The following CHRDL2 variants were observed in gnomAD, a reference collection of about 807,000 sequenced individuals.
CHRDL2 encodes chordin-like protein 2.
Under a neutral mutation model 54.3 loss-of-function variants are expected in CHRDL2, and 41 were observed. That is an observed-to-expected ratio of 0.76 (90% CI 0.59 to 0.98). The LOEUF (loss-of-function observed/expected upper bound fraction) is 0.98. Ranked by LOEUF, CHRDL2 falls within the 50% of genes least tolerant of loss-of-function variation. The pLI is 0.00. For missense variants in CHRDL2, 518 were observed against 562.4 expected (o/e 0.92, Z 0.80); for synonymous variants, 220 against 224.3 (o/e 0.98, Z 0.17).
intron 1 of CHRDL2, among the ~76,000 whole-genome samples, chr11:74,728,800 T>C (rs1371134674): frequency 6.6e-6 from 1 of 152,204 alleles, no homozygotes; most frequent in African/African-American, 2.4e-5. Context: ...TGGTTTTTGA[T>C]AGTTTCACCA....
At chr11:74,727,075 ACCACAC>A (rs2135280101) in intron 1 of CHRDL2, among the ~76,000 whole-genome samples, 1 of 152,328 alleles carries the variant, frequency 6.6e-6, no homozygotes, top group South Asian at 2.1e-4. Flanking sequence ...AATCAAGGCA[ACCACAC>A]CTTTGGGTTT....
intron 8 of CHRDL2, 90 bp downstream of exon 8, chr11:74,703,215 T>C: frequency 7.0e-7 from 1 of 1,430,286 alleles, no homozygotes; most frequent in South Asian, 1.4e-5. Context: ...CTTCCATGTC[T>C]GAGATGCTCC....
At position 74,697,219 on chromosome 11, in the gene CHRDL2, G is replaced by A; in HGVS notation, c.1199C>T (p.Ala400Val). The change falls in exon 10 of 11, where the codon GCT (alanine) becomes GTT (valine). Residue 400 changes from alanine to valine, a missense_variant. Physicochemically the swap from Ala to Val is moderately conservative, Grantham distance 64. Coordinates refer to ENST00000376332, the MANE Select transcript of CHRDL2 (RefSeq NM_001278473.3). ...QKEAQHFRLL[A>V]GPHEGHWNVF... ...CAAGCTCCTACCTTCGTGGGGGCCA[G>A]CGAGCAGTCGGAAGTGCTGTGCCTC... is the stretch of plus-strand genomic sequence containing the variant. 6.2e-7 allele frequency: 1 copy of A among 1,613,688 alleles called. No homozygotes were observed. Among genetic ancestry groups the A allele is most frequent in the Non-Finnish European group, 8.5e-7 (1 of 1,179,810 alleles).
chr11:74,705,644 G>A (rs1163789657), intron 6 of CHRDL2, among the ~76,000 whole-genome samples: 1 of 152,236 alleles, frequency 6.6e-6, no homozygotes, highest in Non-Finnish European at 1.5e-5. Flanking sequence ...TCAGAGCCTG[G>A]AACTCAGCCT....
At position 74,704,648 on chromosome 11, in the gene CHRDL2, G is replaced by A. The variant is rs368448920; in HGVS notation, c.589C>T (p.Pro197Ser). 4.4e-6 allele frequency: 7 copies of A among 1,606,578 alleles called. No individual in the cohort carries two copies. The highest frequency in any genetic ancestry group is 2.7e-5 in the African/African-American group (2 of 74,664). The change falls in exon 7 of 11, where the codon CCT becomes TCT. Residue 197 changes from proline to serine, a missense_variant. Transcript: ENST00000376332. Reference sequence around the variant, plus strand: ...GCATCACTGGAACATGGATCCTGAGGATGTCTCTGCAAATGGCAGGAAGGA... The same window carrying A: ...GCATCACTGGAACATGGATCCTGAGAATGTCTCTGCAAATGGCAGGAAGGA... The part of the protein sequence containing the change: ...SVQSLHGVRH[P>S]QDPCSSDAGR...
chr11:74,700,622 TTTATTA>T (rs1554984202), intron 9 of CHRDL2, among the ~76,000 whole-genome samples: 6 of 140,360 alleles, frequency 4.3e-5, no homozygotes, highest in African/African-American at 1.6e-4. Flanking sequence ...GAATCTTTTT[TTTATTA>T]TTATTATTAT....
chr11:74,701,807 G>A (rs560745363), intron 9 of CHRDL2, among the ~76,000 whole-genome samples: 4 of 142,280 alleles, frequency 2.8e-5, no homozygotes, highest in Admixed American at 7.0e-5. Context: ...CCCCCACCCC[G>A]CCAGCCAAAA....
Position 74,730,809 on chromosome 11 carries a change from G to C in CHRDL2, c.80C>G (p.Ala27Gly). ...LWFPLDSHAR[A>G]RPDMFCLFHG... Reference sequence around the variant, plus strand: ...ACCCAGCCTCCCGGTCTACTTACGGGCTCGAGCGTGGGAGTCCAGGGGGAA... The same window carrying C: ...ACCCAGCCTCCCGGTCTACTTACGGCCTCGAGCGTGGGAGTCCAGGGGGAA... Residue 27 changes from alanine to glycine, a missense_variant and splice_region_variant, in exon 1 of 11, where the codon GCC (alanine) becomes GGC (glycine). Ala to Gly is a moderately conservative substitution (Grantham distance 60, BLOSUM62 0). Coordinates refer to ENST00000376332, the MANE Select transcript of CHRDL2 (RefSeq NM_001278473.3). The C allele has an allele frequency of 6.2e-7, 1 of 1,610,384 alleles. No homozygotes were observed. Among genetic ancestry groups the C allele is most frequent in the Non-Finnish European group, 8.5e-7 (1 of 1,178,718 alleles).
At chr11:74,728,397 A>G (rs758221614) in intron 1 of CHRDL2, among the ~76,000 whole-genome samples, 18 of 152,154 alleles carry the variant, frequency 1.2e-4, no homozygotes, top group Non-Finnish European at 2.6e-4. Flanking sequence ...GCAAATGACT[A>G]TAGGATCCTT....
chr11:74,715,042 A>AT (rs563246361), intron 2 of CHRDL2, among the ~76,000 whole-genome samples: 16 of 152,218 alleles, frequency 1.1e-4, no homozygotes, highest in Non-Finnish European at 1.5e-4. Context: ...ATACTATACT[A>AT]TTAGTCACAC....
At chr11:74,719,370 C>G (rs1281967695) in intron 1 of CHRDL2, 2 of 131,796 alleles carry the variant, frequency 1.5e-5, no homozygotes, top group Non-Finnish European at 3.1e-5. Flanking sequence ...CTCTCCCATC[C>G]CCCTCCCCTG....
intron 9 of CHRDL2, 103 bp downstream of exon 9, chr11:74,702,691 G>T: frequency 8.3e-7 from 1 of 1,199,166 alleles, no homozygotes; most frequent in Non-Finnish European, 1.2e-6. Context: ...GGCAGCCAGA[G>T]GCACCTGATC....
chr11:74,702,977 C>T lies in CHRDL2; in HGVS notation c.947-10G>A. ...GGGTCTGCTTTGTCCTCTGGAGAGACAAGAAGCTCATGAAGTGTTCAATAA... is the reference window on the plus strand; with the variant it reads ...GGGTCTGCTTTGTCCTCTGGAGAGATAAGAAGCTCATGAAGTGTTCAATAA... On this transcript the variant is annotated splice_polypyrimidine_tract_variant and intron_variant, in intron 8 of 10. Coordinates refer to ENST00000376332, the MANE Select transcript of CHRDL2 (RefSeq NM_001278473.3). 5.0e-6 allele frequency: 8 copies of T among 1,602,012 alleles called. No individual in the cohort carries two copies. Among genetic ancestry groups the T allele is most frequent in the Non-Finnish European group, 6.8e-6 (8 of 1,173,720 alleles).
chr11:74,697,301 A>T lies in CHRDL2; in HGVS notation c.1121-4T>A, dbSNP rs2135222753. 1 of 1,612,542 alleles carries T rather than the reference A, an allele frequency of 6.2e-7. No individual in the cohort carries two copies. Among genetic ancestry groups the T allele is most frequent in the Non-Finnish European group, 8.5e-7 (1 of 1,178,948 alleles). On this transcript the variant is annotated splice_region_variant and splice_polypyrimidine_tract_variant and intron_variant, in intron 9 of 10. Transcript: ENST00000376332. ...ATCTGAGTCAAGTGGAAGATTCCTG[A>T]GGGCAGAGACAAGGATGTGAGCAGG...
intron 6 of CHRDL2, among the ~76,000 whole-genome samples, chr11:74,706,069 G>A (rs115812213): frequency 3.3e-5 from 5 of 152,228 alleles, no homozygotes; most frequent in African/African-American, 9.6e-5. Flanking sequence ...AGATACAGGG[G>A]GGTACAGAGA....
chr11:74,698,706 CACACACACACACA>C (rs2033692457), intron 9 of CHRDL2: 4 of 145,824 alleles, frequency 2.7e-5, no homozygotes, highest in African/African-American at 7.5e-5. Flanking sequence ...CACACACACA[CACACACACACACA>C]CACCCCACAT....
chr11:74,718,155 T>G (rs949418910), intron 2 of CHRDL2, among the ~76,000 whole-genome samples: 15 of 152,138 alleles, frequency 9.9e-5, no homozygotes, highest in African/African-American at 2.4e-4. Context: ...CCTCAGAGGT[T>G]CAGTCTAGGA....
At chr11:74,712,272 G>T (rs1277167093) in intron 3 of CHRDL2, among the ~76,000 whole-genome samples, 1 of 152,136 alleles carries the variant, frequency 6.6e-6, no homozygotes, top group Non-Finnish European at 1.5e-5. Context: ...GGGAGGAATG[G>T]CCAGGGAAGG....
At chr11:74,722,644 C>T (rs1344779933) in intron 1 of CHRDL2, among the ~76,000 whole-genome samples, 2 of 152,068 alleles carry the variant, frequency 1.3e-5, no homozygotes, top group East Asian at 1.9e-4. Flanking sequence ...CTGTGGTCAT[C>T]CCCAGGCACC....
Sources: gnomAD v4.1 joint callset for allele counts (sites outside exome capture counted in the v4.1 genomes callset) on GRCh38, gnomAD v4.1.1 for gene constraint, MANE v1.5 for transcripts, NCBI Gene and HGNC (gene_info 2026-07-23, HGNC 2026-07-21) for gene names.